Variants in PIEZO2 observed in about 807,000 individuals in gnomAD.
The protein encoded by PIEZO2 is piezo-type mechanosensitive ion channel component 2.
Under a neutral mutation model 337.3 loss-of-function variants are expected in PIEZO2, and 172 were observed. The observed-to-expected ratio is 0.51, with a 90% CI of 0.45 to 0.58. The LOEUF is 0.58. Ranked by LOEUF, PIEZO2 falls within the 20% of genes least tolerant of loss-of-function variation. The pLI, the probability that PIEZO2 is intolerant of heterozygous loss-of-function variation, is 0.00. For synonymous variants in PIEZO2, 1,251 were observed against 1,228.5 expected (o/e 1.02, Z -0.38); for missense variants, 3,028 against 3,391.3 (o/e 0.89, Z 2.66).
rs553685475 is a variant in PIEZO2, at chr18:10,940,437, A to G, written c.287-29209T>C. Among the ~76,000 whole-genome samples, 1 of 152,208 alleles carries G rather than the reference A, an allele frequency of 6.6e-6. No individual in the cohort carries two copies. Among genetic ancestry groups the G allele is most frequent in the Non-Finnish European group, 1.5e-5 (1 of 68,032 alleles). On this transcript the variant is annotated intron_variant, in intron 3 of 55. Transcript: ENST00000674853. The surrounding 1 kb of genome is among the most constrained non-coding windows in gnomAD (Gnocchi z 5.3). ...GCGAATCTTACCTGCAGAATATCCT[A>G]GTGTTTTCCTCCAGTGAACATTTTA...
At position 11,058,672 on chromosome 18, in the gene PIEZO2, T is replaced by C. The variant is rs1363627770; in HGVS notation, c.160+7455A>G. The stretch of plus-strand genomic sequence containing the variant: ...ATTTGATCAACTGGAAGAAAGGGTA[T>C]CGGTGATGGAAGATGAAATGAATGA... On this transcript the variant is annotated intron_variant, in intron 2 of 55. Transcript: ENST00000674853. 2.0e-5 allele frequency among the ~76,000 whole-genome samples: 3 copies of C among 151,978 alleles called. No homozygotes were observed. The East Asian group carries it at 5.8e-4, about 29-fold the overall frequency.
rs2035189425 is a variant in PIEZO2 at position 10,993,593 on chromosome 18, C to G, written c.161-13933G>C. On this transcript the variant is annotated intron_variant, in intron 2 of 55. Transcript: ENST00000674853. The surrounding 1 kb of genome is among the most constrained non-coding windows in gnomAD (Gnocchi z 5.0). ...CCAGGCTGGAGTACAGTGGCACGAT[C>G]TCGCCTCACTGCAACCTCCGCCTCC... 6.6e-6 allele frequency among the ~76,000 whole-genome samples: 1 copy of G among 152,108 alleles called. No individual in the cohort carries two copies.
chr18:10,767,946 A>C lies in PIEZO2; in HGVS notation c.2946+2202T>G, dbSNP rs2038434941. Among the ~76,000 whole-genome samples, 1 of 152,216 alleles carries C rather than the reference A, an allele frequency of 6.6e-6. No homozygotes were observed. The highest frequency in any genetic ancestry group is 2.4e-5 in the African/African-American group (1 of 41,470). Reference sequence around the variant, plus strand: ...GCCCAGAGCGTGAGGCCATCATGGGATGGCACAGGCCAAGTCACAACATCC... The same window carrying C: ...GCCCAGAGCGTGAGGCCATCATGGGCTGGCACAGGCCAAGTCACAACATCC... On this transcript the variant is annotated intron_variant, in intron 21 of 55. Coordinates refer to ENST00000674853, the MANE Select transcript of PIEZO2 (RefSeq NM_001378183.1). The surrounding 1 kb of genome is among the most constrained non-coding windows in gnomAD (Gnocchi z 4.2).
intron 1 of PIEZO2, among the ~76,000 whole-genome samples, chr18:11,118,247 G>C (rs1446208565): frequency 6.6e-6 from 1 of 152,212 alleles, no homozygotes; most frequent in Non-Finnish European, 1.5e-5. Context: ...CACAGTGCAT[G>C]ACCTTGACTT....
intron 2 of PIEZO2, among the ~76,000 whole-genome samples, chr18:10,997,269 AAGAG>A (rs1235592221): frequency 5.9e-5 from 9 of 152,036 alleles, no homozygotes; most frequent in East Asian, 5.8e-4. Flanking sequence ...GAAAGAAAGA[AAGAG>A]ACAATGAAAA....
chr18:10,826,647 G>A (rs908740275), intron 7 of PIEZO2, among the ~76,000 whole-genome samples: 1 of 152,098 alleles, frequency 6.6e-6, no homozygotes, highest in Non-Finnish European at 1.5e-5. Flanking sequence ...TTGTTTATAT[G>A]CTTACATTTT....
intron 4 of PIEZO2, among the ~76,000 whole-genome samples, chr18:10,874,194 G>A (rs2042209895): frequency 6.6e-6 from 1 of 151,766 alleles, no homozygotes; most frequent in African/African-American, 2.4e-5. Context: ...CATACAAATG[G>A]ACAACAGCTT....
In PIEZO2 at chr18:10,894,087, C is replaced by T. The variant is rs1027396559; in HGVS notation, c.329+17099G>A. Among the ~76,000 whole-genome samples the T allele has an allele frequency of 6.6e-6, 1 of 152,120 alleles. No individual in the cohort carries two copies. Among genetic ancestry groups the T allele is most frequent in the Non-Finnish European group, 1.5e-5 (1 of 68,026 alleles). On this transcript the variant is annotated intron_variant, in intron 4 of 55. Coordinates refer to ENST00000674853, the MANE Select transcript of PIEZO2 (RefSeq NM_001378183.1). The surrounding 1 kb of genome is among the most constrained non-coding windows in gnomAD (Gnocchi z 4.1). ...CGTCTCCGTATAGATAGAAAGACAC[C>T]CGAAACTGGTGATCAGCAGCTTCCT...
chr18:10,860,216 A>G (rs1008025122), intron 5 of PIEZO2, among the ~76,000 whole-genome samples: 1 of 152,162 alleles, frequency 6.6e-6, no homozygotes, highest in Non-Finnish European at 1.5e-5. Context: ...AAACGTCAGT[A>G]GCCTGTTGAG....
At chr18:10,897,000 C>T (rs754871043) in intron 4 of PIEZO2, among the ~76,000 whole-genome samples, 6 of 152,124 alleles carry the variant, frequency 3.9e-5, no homozygotes, top group African/African-American at 1.2e-4. Context: ...AGCAATAGAA[C>T]GATGCAATGT....
intron 8 of PIEZO2, among the ~76,000 whole-genome samples, chr18:10,806,775 T>C (rs777432185): frequency 2.0e-5 from 3 of 152,216 alleles, no homozygotes; most frequent in South Asian, 2.1e-4. Context: ...ATGGGTATAA[T>C]ACCTATTCTA....
In PIEZO2 at chr18:10,905,275, C is replaced by T. The variant is rs549141498; in HGVS notation, c.329+5911G>A. Among the ~76,000 whole-genome samples the T allele has an allele frequency of 2.4e-4, 36 of 152,198 alleles. No individual in the cohort carries two copies. The South Asian group carries it at 7.5e-3, about 32-fold the overall frequency. ...ACTGTGTATCTCTCCATGCCATGTACTGCGGGCTTATAAACTTACAAGGTT... is the reference window on the plus strand; with the variant it reads ...ACTGTGTATCTCTCCATGCCATGTATTGCGGGCTTATAAACTTACAAGGTT... On this transcript the variant is annotated intron_variant, in intron 4 of 55. Coordinates refer to ENST00000674853, the MANE Select transcript of PIEZO2 (RefSeq NM_001378183.1).
In PIEZO2 at chr18:10,783,054, G is replaced by T. The variant is rs190838477; in HGVS notation, c.2492+1730C>A. On this transcript the variant is annotated intron_variant, in intron 17 of 55. Transcript: ENST00000674853. This position sits in a 1 kb window ranked among gnomAD's most constrained non-coding sequence, Gnocchi z 4.3. ...AGACACATCCACATTAAGAAAAATG[G>T]CAAGAAAAAGGTTCCTGCATGCTGG... Among the ~76,000 whole-genome samples, 9 of 151,834 alleles carry T rather than the reference G, an allele frequency of 5.9e-5. No homozygotes were observed. The East Asian group carries it at 1.7e-3, about 29-fold the overall frequency.
At chr18:10,803,423 C>T (rs1317388563) in intron 9 of PIEZO2, among the ~76,000 whole-genome samples, 2 of 152,052 alleles carry the variant, frequency 1.3e-5, no homozygotes, top group South Asian at 2.1e-4. Context: ...AATTATTGTC[C>T]GTTGTTTGCC....
chr18:10,904,337 C>T (rs1198325649), intron 4 of PIEZO2, among the ~76,000 whole-genome samples: 2 of 152,202 alleles, frequency 1.3e-5, no homozygotes, highest in East Asian at 3.8e-4. Flanking sequence ...GCTTTTGCCT[C>T]TACTAGCTGT....
chr18:10,886,971 C>T (rs111527626), intron 4 of PIEZO2, among the ~76,000 whole-genome samples: 2 of 151,154 alleles, frequency 1.3e-5, no homozygotes, highest in African/African-American at 2.4e-5. Context: ...AGTTTTCAAT[C>T]GTGGCAGAAG....
intron 5 of PIEZO2, among the ~76,000 whole-genome samples, chr18:10,858,004 TC>T (rs1283009572): frequency 3.1e-5 from 4 of 128,084 alleles, no homozygotes; most frequent in African/African-American, 1.4e-4. Context: ...TTTCTTTCTT[TC>T]TTTTTTTTTT....
At chr18:10,721,901 A>C (rs2036326666) in intron 36 of PIEZO2, among the ~76,000 whole-genome samples, 2 of 152,174 alleles carry the variant, frequency 1.3e-5, no homozygotes, top group Admixed American at 6.5e-5. Flanking sequence ...CATGCCTGTA[A>C]TCCCAGCATT....
chr18:10,811,991 G>A (rs2040208129), intron 7 of PIEZO2, among the ~76,000 whole-genome samples: 2 of 152,108 alleles, frequency 1.3e-5, no homozygotes, highest in South Asian at 2.1e-4. Flanking sequence ...CCGCCACCAC[G>A]CCCGGCTAAC....
Sources: gnomAD v4.1 joint callset for allele counts (sites outside exome capture counted in the v4.1 genomes callset) on GRCh38, gnomAD v4.1.1 for gene constraint, Gnocchi (gnomAD v3.1) non-coding constraint, MANE v1.5 for transcripts, NCBI Gene and HGNC (gene_info 2026-07-23, HGNC 2026-07-21) for gene names.